The following TG variants were observed in gnomAD, a reference collection of about 807,000 sequenced individuals.
TG encodes thyroid hormones.
A neutral mutation model predicts 324.7 loss-of-function variants in TG; 270 were observed. That is an observed-to-expected ratio of 0.83 (90% CI 0.75 to 0.92). The LOEUF (loss-of-function observed/expected upper bound fraction) is 0.92. Ranked by LOEUF, TG falls within the 40% of genes least tolerant of loss-of-function variation. The pLI, the probability that TG is intolerant of heterozygous loss-of-function variation, is 0.00. For missense variants in TG, 3,591 were observed against 3,456.4 expected, an observed-to-expected ratio of 1.04 and a Z score of -0.98; for synonymous variants, 1,401 against 1,327.0, an observed-to-expected ratio of 1.06 and a Z score of -1.21.
rs1443786637 is a variant in TG at position 133,067,874 on chromosome 8, G to A, written c.7240-27170G>A. Among the ~76,000 whole-genome samples the A allele has an allele frequency of 2.1e-4, 6 of 27,994 alleles. No individual in the cohort carries two copies. In the East Asian group the frequency reaches 4.9e-3, roughly 23 times the overall value. 18.4% of individuals were successfully genotyped at this position (27,994 alleles called of 152,430 possible). A position where few individuals can be genotyped will look rare whatever the true frequency, so the allele number is the denominator to read the frequency against. On this transcript the variant is annotated intron_variant, in intron 41 of 47. Coordinates refer to ENST00000220616, the MANE Select transcript of TG (RefSeq NM_003235.5). ...AGAGAGAAAGAAAGAAAGAAAGGAAGGAAGGAAGGAAGTATGTATGGAAGG... is the reference window on the plus strand; with the variant it reads ...AGAGAGAAAGAAAGAAAGAAAGGAAAGAAGGAAGGAAGTATGTATGGAAGG...
intron 26 of TG, among the ~76,000 whole-genome samples, chr8:132,945,807 G>A (rs1825184523): frequency 6.6e-6 from 1 of 152,130 alleles, no homozygotes; most frequent in Admixed American, 6.5e-5. Flanking sequence ...TGCATGGTGA[G>A]GAAGTTGTCA....
At chr8:133,081,074 C>T (rs894726705) in intron 41 of TG, among the ~76,000 whole-genome samples, 1 of 152,256 alleles carries the variant, frequency 6.6e-6, no homozygotes, top group African/African-American at 2.4e-5. Context: ...AGTGATGTTA[C>T]TAATACTACT....
intron 38 of TG, 110 bp from the exon 39 acceptor site, chr8:133,019,492 C>T: frequency 1.2e-6 from 1 of 857,848 alleles, no homozygotes; most frequent in Non-Finnish European, 1.9e-6. Context: ...TTCTGCAGAG[C>T]TGGTGGGATG....
rs1313269544 is a variant in TG, at chr8:133,024,392, T to TTCTTTCTTTCTTTC, written c.7036+2243_7036+2244insCTTTCTTTCTTTCT. On this transcript the variant is annotated intron_variant, in intron 40 of 47. Transcript: ENST00000220616. Reference sequence around the variant, plus strand: ...TTTCTTTCTTTCTTTCTTTCTTTCTTTTTCTTTTTTTAATTTTACTTTAAG... The same window carrying TTCTTTCTTTCTTTC: ...TTTCTTTCTTTCTTTCTTTCTTTCTTTCTTTCTTTCTTTCTTTCTTTTTTTAATTTTACTTTAAG... 1.2e-3 allele frequency among the ~76,000 whole-genome samples: 117 copies of TTCTTTCTTTCTTTC among 94,170 alleles called. 2 individuals are homozygous for TTCTTTCTTTCTTTC. Among genetic ancestry groups the TTCTTTCTTTCTTTC allele is most frequent in the African/African-American group, 5.8e-3 (111 of 19,240 alleles). The allele number at this position is 94,170 out of a possible 152,430, so 61.8% of individuals were successfully genotyped here.
chr8:133,001,612 A>T (rs1302877447), intron 35 of TG, among the ~76,000 whole-genome samples: 2 of 152,230 alleles, frequency 1.3e-5, no homozygotes, highest in African/African-American at 4.8e-5. Context: ...TTCTCACTTG[A>T]ATGATGGTCT....
intron 1 of TG, 59 bp from the exon 2 acceptor site, chr8:132,868,056 T>C: frequency 6.8e-7 from 1 of 1,476,966 alleles, no homozygotes; most frequent in South Asian, 1.1e-5. Context: ...TGAGAGCCCG[T>C]CTCTGTCCTG....
At chr8:132,920,316 A>T (rs1820933272) in intron 21 of TG, among the ~76,000 whole-genome samples, 2 of 152,216 alleles carry the variant, frequency 1.3e-5, no homozygotes, top group Admixed American at 1.3e-4. Context: ...TGTCAATGTG[A>T]AGGAAACTGT....
At chr8:132,968,615 C>T (rs754279932) in intron 31 of TG, among the ~76,000 whole-genome samples, 5 of 152,174 alleles carry the variant, frequency 3.3e-5, no homozygotes, top group South Asian at 2.1e-4. Flanking sequence ...TTTTTCCACT[C>T]GAATGTCAAA....
chr8:133,102,760 A>G (rs1849425456), intron 43 of TG: 1 of 586,556 alleles, frequency 1.7e-6, no homozygotes, highest in South Asian at 1.9e-5. Flanking sequence ...GATTTGTTCC[A>G]AGATGCAATG....
chr8:132,994,130 CTG>C (rs1198066649), intron 35 of TG, among the ~76,000 whole-genome samples: 1 of 152,142 alleles, frequency 6.6e-6, no homozygotes. Context: ...AGGCAGGACA[CTG>C]TGATGAAAAA....
At chr8:133,089,240 C>A (rs1847109620) in intron 41 of TG, among the ~76,000 whole-genome samples, 1 of 152,218 alleles carries the variant, frequency 6.6e-6, no homozygotes, top group African/African-American at 2.4e-5. Context: ...ATTTCCAGTT[C>A]TCTTCTGTTC....
chr8:132,887,237 C>G lies in TG; in HGVS notation c.1865C>G (p.Thr622Arg), dbSNP rs767336126. The G allele has an allele frequency of 6.2e-7, 1 of 1,606,388 alleles. No homozygotes were observed. Among genetic ancestry groups the G allele is most frequent in the Non-Finnish European group, 8.5e-7 (1 of 1,175,378 alleles). Residue 622 changes from threonine to arginine, a missense_variant, in exon 9 of 48, where the codon ACA (threonine) becomes AGA (arginine). By Grantham distance (71) the Thr-to-Arg change is moderately conservative. Coordinates refer to ENST00000220616, the MANE Select transcript of TG (RefSeq NM_003235.5). ...AGGCTATTTGTCCCATCATGCACGA[C>G]AGAAGGAAGCTATGAGGATGTCCAA... The part of the protein sequence containing the change: ...PERLFVPSCT[T>R]EGSYEDVQCF...
At chr8:133,057,338 T>C (rs939115164) in intron 41 of TG, among the ~76,000 whole-genome samples, 1 of 152,238 alleles carries the variant, frequency 6.6e-6, no homozygotes, top group South Asian at 2.1e-4. Flanking sequence ...ACTGCCCATG[T>C]CTGGTACAGA....
chr8:132,897,005 TA>T (rs1315805017), intron 11 of TG, among the ~76,000 whole-genome samples: 3 of 152,104 alleles, frequency 2.0e-5, no homozygotes, highest in Non-Finnish European at 2.9e-5. Flanking sequence ...TCACCTGGGG[TA>T]AAAGTTCTGG....
At chr8:133,091,733 T>C (rs1348753348) in intron 41 of TG, among the ~76,000 whole-genome samples, 4 of 152,060 alleles carry the variant, frequency 2.6e-5, no homozygotes, top group Admixed American at 2.6e-4. Flanking sequence ...TGTGTCTATG[T>C]GTGTGGGTGT....
chr8:132,906,137 C>G (rs1479072330), intron 16 of TG, among the ~76,000 whole-genome samples: 1 of 152,130 alleles, frequency 6.6e-6, no homozygotes, highest in Non-Finnish European at 1.5e-5. Context: ...AGAGCATTTG[C>G]TGGCAGTTCA....
chr8:132,984,548 C>T (rs866168390), intron 35 of TG, among the ~76,000 whole-genome samples: 1 of 152,174 alleles, frequency 6.6e-6, no homozygotes, highest in Non-Finnish European at 1.5e-5. Context: ...ACAGATAATA[C>T]ATGTGCTAGC....
rs142293681 is a variant in TG at position 133,022,820 on chromosome 8, T to C, written c.7036+670T>C. Among the ~76,000 whole-genome samples, 77 of 152,136 alleles carry C rather than the reference T, an allele frequency of 5.1e-4. 1 individual carries two copies. The East Asian group carries it at 0.015, about 29-fold the overall frequency. ...ATCAGCTGCAGTGGTCGGGACAGAG[T>C]CACTGACCTAGGAATCTGAAGAGCC... On this transcript the variant is annotated intron_variant, in intron 40 of 47. Coordinates refer to ENST00000220616, the MANE Select transcript of TG (RefSeq NM_003235.5).
Position 132,898,315 on chromosome 8 carries a change from G to C in TG, c.3217+69G>C, listed in dbSNP as rs144425005. The C allele has an allele frequency of 5.8e-3, 8,551 of 1,466,018 alleles. 36 individuals carry two copies. The highest frequency in any genetic ancestry group is 6.9e-3 in the Non-Finnish European group (7,442 of 1,070,876). 90.8% of individuals were successfully genotyped at this position (1,466,018 alleles called of 1,614,324 possible). ...GGCATCACTGGTCTAGTCAGCTGTG[G>C]TTGCCTAACCGCTGGAGACTCCATG... On this transcript the variant is annotated intron_variant, in intron 13 of 47. Coordinates refer to ENST00000220616, the MANE Select transcript of TG (RefSeq NM_003235.5).
Sources: gnomAD v4.1 joint callset for allele counts (sites outside exome capture counted in the v4.1 genomes callset) on GRCh38, gnomAD v4.1.1 for gene constraint, MANE v1.5 for transcripts, NCBI Gene and HGNC (gene_info 2026-07-23, HGNC 2026-07-21) for gene names.